The following AP5B1 variants were observed in gnomAD, a reference collection of about 807,000 sequenced individuals.
The protein encoded by AP5B1 is AP-5 complex subunit beta-1.
Under a neutral mutation model 5.7 loss-of-function variants are expected in AP5B1, and 3 were observed. The observed-to-expected ratio is 0.53, with a 90% CI of 0.24 to 1.36. The LOEUF (loss-of-function observed/expected upper bound fraction) is 1.36, where lower values mean the gene tolerates loss of function less well. Among genes scored for constraint, AP5B1 ranks in the 40% most tolerant of loss-of-function variants. AP5B1 has a pLI of 0.17. For missense variants in AP5B1, 1,310 were observed against 1,143.2 expected (o/e 1.15, Z -2.10); for synonymous variants, 696 against 555.5 (o/e 1.25, Z -3.56).
At position 65,780,138 on chromosome 11, in the gene AP5B1, G is replaced by C. The variant is rs534814515; in HGVS notation, c.355C>G (p.Arg119Gly). ...AGGCCGAGCAGTAGGGGCAGGAGCCGGCAGGAGGCGCCCGAGGTGGGGCCC... is the reference window on the plus strand; with the variant it reads ...AGGCCGAGCAGTAGGGGCAGGAGCCCGCAGGAGGCGCCCGAGGTGGGGCCC... Reference protein sequence around the residue: ...ALGPTSGASCRLLPLLLGLAA... With the variant: ...ALGPTSGASCGLLPLLLGLAA... The change falls in exon 2 of 2, where the codon CGG becomes GGG. Residue 119 changes from arginine to glycine, a missense_variant. Physicochemically the swap from Arg to Gly is moderately radical, Grantham distance 125. Transcript: ENST00000532090. 6.8e-7 allele frequency: 1 copy of C among 1,478,194 alleles called. No individual in the cohort carries two copies. Among genetic ancestry groups the C allele is most frequent in the African/African-American group, 1.4e-5 (1 of 68,998 alleles). The allele number at this position is 1,478,194 out of a possible 1,614,324, so 91.6% of individuals were successfully genotyped here.
chr11:65,779,532 G>C lies in AP5B1; in HGVS notation c.961C>G (p.Leu321Val). 1 of 1,606,818 alleles carries C rather than the reference G, an allele frequency of 6.2e-7. No homozygotes were observed. The highest frequency in any genetic ancestry group is 8.5e-7 in the Non-Finnish European group (1 of 1,177,872). Reference sequence around the variant, plus strand: ...GCAAGCATGGCGTGCAACAGTGTCAGCTGTGCTGTGCCTAGCAGCCGTACC... The same window carrying C: ...GCAAGCATGGCGTGCAACAGTGTCACCTGTGCTGTGCCTAGCAGCCGTACC... ...QLVRLLGTAQ[L>V]TLLHAMLALK... The change falls in exon 2 of 2, where the codon CTG (leucine) becomes GTG (valine). Residue 321 changes from leucine (L) to valine (V), a missense_variant. Coordinates refer to ENST00000532090, the MANE Select transcript of AP5B1 (RefSeq NM_138368.5).
chr11:65,780,351 G>C lies in AP5B1; in HGVS notation c.151-9C>G, dbSNP rs777750328. ...AGGGCCAGCAGGGAAACCTGGATGG[G>C]GGATTAGGAGGGAATCACGAAGATG... is the stretch of plus-strand genomic sequence containing the variant. On this transcript the variant is annotated splice_polypyrimidine_tract_variant and intron_variant, in intron 1 of 1. Coordinates refer to ENST00000532090, the MANE Select transcript of AP5B1 (RefSeq NM_138368.5). The C allele has an allele frequency of 3.4e-6, 5 of 1,460,342 alleles. No individual in the cohort carries two copies. Among genetic ancestry groups the C allele is most frequent in the South Asian group, 1.4e-5 (1 of 71,742 alleles). 90.5% of individuals were successfully genotyped at this position (1,460,342 alleles called of 1,614,324 possible).
chr11:65,780,616 AG>A lies in AP5B1; in HGVS notation c.-26del, dbSNP rs1456674298. 2.9e-6 allele frequency: 4 copies of A among 1,370,786 alleles called. No homozygotes were observed. In the South Asian group the frequency reaches 4.8e-5, roughly 17 times the overall value. The allele number at this position is 1,370,786 out of a possible 1,614,324, so 84.9% of individuals were successfully genotyped here. A position where few individuals can be genotyped will look rare whatever the true frequency, so the allele number is the denominator to read the frequency against. The stretch of plus-strand genomic sequence containing the variant: ...TGGTGAGGCGCGCGGGCCCCTGCGC[AG>A]GGAAGAGGGACCCTCAGGCCGCAGC... On this transcript the variant is annotated 5_prime_UTR_variant, in exon 1 of 2. Transcript: ENST00000532090.
In AP5B1 at chr11:65,779,705, T is replaced by G. The variant is rs1454046807; in HGVS notation, c.788A>C (p.Glu263Ala). ...CACCGCAGCCCGCAGCTCCCGCGCCTCCTCAGGGCTGTGCTCTCGTGCTGT... is the reference window on the plus strand; with the variant it reads ...CACCGCAGCCCGCAGCTCCCGCGCCGCCTCAGGGCTGTGCTCTCGTGCTGT... ...SLTAREHSPE[E>A]ARELRAAVIQ... The change falls in exon 2 of 2, where the codon GAG (glutamate) becomes GCG (alanine). Residue 263 changes from glutamate (E) to alanine (A), a missense_variant. Coordinates refer to ENST00000532090, the MANE Select transcript of AP5B1 (RefSeq NM_138368.5). 6.2e-7 allele frequency: 1 copy of G among 1,611,546 alleles called. No homozygotes were observed. The highest frequency in any genetic ancestry group is 8.5e-7 in the Non-Finnish European group (1 of 1,179,154).
rs1481634599 is a variant in AP5B1, at chr11:65,777,121, C to T, written c.*735G>A. 3.3e-5 allele frequency: 5 copies of T among 151,502 alleles called. No homozygotes were observed. Among genetic ancestry groups the T allele is most frequent in the Non-Finnish European group, 7.4e-5 (5 of 67,960 alleles). 9.4% of individuals were successfully genotyped at this position (151,502 alleles called of 1,614,324 possible). On this transcript the variant is annotated 3_prime_UTR_variant, in exon 2 of 2. Coordinates refer to ENST00000532090, the MANE Select transcript of AP5B1 (RefSeq NM_138368.5). Reference sequence around the variant, plus strand: ...TGAGATCCTGTCTTTAACCCCTCCCCGAAAAAAAAAGAAAGAAAAGTACTG... The same window carrying T: ...TGAGATCCTGTCTTTAACCCCTCCCTGAAAAAAAAAGAAAGAAAAGTACTG...
chr11:65,780,176 G>T lies in AP5B1; in HGVS notation c.317C>A (p.Ala106Glu). Reference protein sequence around the residue: ...LLLAATTALAAGGALGPTSGA... With the variant: ...LLLAATTALAEGGALGPTSGA... ...CGAGGTGGGGCCCAGCGCGCCGCCC[G>T]CCGCCAGGGCAGTGGTGGCCGCCAG... Residue 106 changes from alanine to glutamate, a missense_variant, in exon 2 of 2, where the codon GCG becomes GAG. Ala to Glu is a moderately radical substitution (Grantham distance 107). Coordinates refer to ENST00000532090, the MANE Select transcript of AP5B1 (RefSeq NM_138368.5). 1.3e-6 allele frequency: 2 copies of T among 1,482,176 alleles called. No homozygotes were observed. Among genetic ancestry groups the T allele is most frequent in the South Asian group, 2.7e-5 (2 of 73,486 alleles). 91.8% of individuals were successfully genotyped at this position (1,482,176 alleles called of 1,614,324 possible).
In AP5B1 at chr11:65,780,176, G is replaced by A. The variant is rs955491701; in HGVS notation, c.317C>T (p.Ala106Val). Residue 106 changes from alanine (A) to valine (V), a missense_variant, in exon 2 of 2, where the codon GCG becomes GTG. Ala to Val is a moderately conservative substitution (Grantham distance 64, BLOSUM62 0). Transcript: ENST00000532090. ...LLLAATTALA[A>V]GGALGPTSGA... ...CGAGGTGGGGCCCAGCGCGCCGCCC[G>A]CCGCCAGGGCAGTGGTGGCCGCCAG... 6.7e-7 allele frequency: 1 copy of A among 1,482,176 alleles called. No individual in the cohort carries two copies. Among genetic ancestry groups the A allele is most frequent in the Non-Finnish European group, 8.9e-7 (1 of 1,120,610 alleles). The allele number at this position is 1,482,176 out of a possible 1,614,324, so 91.8% of individuals were successfully genotyped here. A position where few individuals can be genotyped will look rare whatever the true frequency, so the allele number is the denominator to read the frequency against.
Position 65,777,696 on chromosome 11 carries a change from G to A in AP5B1, c.*160C>T. On this transcript the variant is annotated 3_prime_UTR_variant, in exon 2 of 2. Transcript: ENST00000532090. ...TGCTAGAGCAGCAAAAACAGACTCA[G>A]ACAGACCCTCACCCCCAGGAGCCTG... The A allele has an allele frequency of 3.7e-6, 3 of 812,360 alleles. No homozygotes were observed. The South Asian group carries it at 5.8e-5, about 16-fold the overall frequency. 50.3% of individuals were successfully genotyped at this position (812,360 alleles called of 1,614,324 possible).
In AP5B1 at chr11:65,774,596, G is replaced by A. The variant is rs1857744235; in HGVS notation, c.*3260C>T. 6.6e-6 allele frequency among the ~76,000 whole-genome samples: 1 copy of A among 152,098 alleles called. No homozygotes were observed. The highest frequency in any genetic ancestry group is 6.6e-5 in the Admixed American group (1 of 15,264). On this transcript the variant is annotated 3_prime_UTR_variant, in exon 2 of 2. Coordinates refer to ENST00000532090, the MANE Select transcript of AP5B1 (RefSeq NM_138368.5). ...GGCTAATTTTTGGATTTTTAGTAGA[G>A]ACGGGTTTCACCATGTTGGCCAGGC...
At position 65,777,747 on chromosome 11, in the gene AP5B1, C is replaced by T; in HGVS notation, c.*109G>A. 1 of 1,318,340 alleles carries T rather than the reference C, an allele frequency of 7.6e-7. No individual in the cohort carries two copies. Among genetic ancestry groups the T allele is most frequent in the South Asian group, 1.6e-5 (1 of 63,560 alleles). 81.7% of individuals were successfully genotyped at this position (1,318,340 alleles called of 1,614,324 possible). A position where few individuals can be genotyped will look rare whatever the true frequency, so the allele number is the denominator to read the frequency against. ...CTCCCAACCGGGGCCCAAAAGAAAACAAGCCAGCGAGGGCACTGCGGAATG... is the reference window on the plus strand; with the variant it reads ...CTCCCAACCGGGGCCCAAAAGAAAATAAGCCAGCGAGGGCACTGCGGAATG... On this transcript the variant is annotated 3_prime_UTR_variant, in exon 2 of 2. Transcript: ENST00000532090.
chr11:65,780,663 C>A lies in AP5B1; in HGVS notation c.-72G>T, dbSNP rs1008659859. ...GCAGCCACCGGGAGCGCGGGGCCCG[C>A]TGCCGACCCCGAGGGGCTGCGGTCA... On this transcript the variant is annotated 5_prime_UTR_variant, in exon 1 of 2. Coordinates refer to ENST00000532090, the MANE Select transcript of AP5B1 (RefSeq NM_138368.5). 2.3e-6 allele frequency: 3 copies of A among 1,296,326 alleles called. No individual in the cohort carries two copies. In the African/African-American group the frequency reaches 4.7e-5, roughly 20 times the overall value. The allele number at this position is 1,296,326 out of a possible 1,614,324, so 80.3% of individuals were successfully genotyped here. A position where few individuals can be genotyped will look rare whatever the true frequency, so the allele number is the denominator to read the frequency against.
At position 65,778,410 on chromosome 11, in the gene AP5B1, G is replaced by C. The variant is rs1234157546; in HGVS notation, c.2083C>G (p.Leu695Val). The change falls in exon 2 of 2, where the codon CTG (leucine) becomes GTG (valine). Residue 695 changes from leucine (L) to valine (V), a missense_variant. Transcript: ENST00000532090. ...EALEPIYSLE[L>V]RFRVEGQLYA... Reference sequence around the variant, plus strand: ...AGCTGTCCTTCCACACGGAAGCGCAGCTCCAGAGAGTAGATGGGCTCCAGC... The same window carrying C: ...AGCTGTCCTTCCACACGGAAGCGCACCTCCAGAGAGTAGATGGGCTCCAGC... 5 of 1,588,792 alleles carry C rather than the reference G, an allele frequency of 3.1e-6. No individual in the cohort carries two copies. The South Asian group carries it at 5.6e-5, about 18-fold the overall frequency.
rs375178911 is a variant in AP5B1 at position 65,780,251 on chromosome 11, G to T, written c.242C>A (p.Thr81Asn). Reference sequence around the variant, plus strand: ...GGGCCGCGGGGGTAGGAGGACCAAGGTGTCCAACAGGGAGGTGGCGGCCAC... The same window carrying T: ...GGGCCGCGGGGGTAGGAGGACCAAGTTGTCCAACAGGGAGGTGGCGGCCAC... ...AEVAATSLLD[T>N]LVLLPPRPSA... Residue 81 changes from threonine (T) to asparagine (N), a missense_variant, in exon 2 of 2, where the codon ACC becomes AAC. Physicochemically the swap from Thr to Asn is moderately conservative, Grantham distance 65 (BLOSUM62 0). Coordinates refer to ENST00000532090, the MANE Select transcript of AP5B1 (RefSeq NM_138368.5). The T allele has an allele frequency of 7.9e-6, 12 of 1,511,412 alleles. No homozygotes were observed. The African/African-American group carries it at 1.7e-4, about 22-fold the overall frequency. The allele number at this position is 1,511,412 out of a possible 1,614,324, so 93.6% of individuals were successfully genotyped here.
rs577651048 is a variant in AP5B1 at position 65,778,237 on chromosome 11, G to A, written c.2256C>T (p.Cys752=). 2.5e-6 allele frequency: 4 copies of A among 1,613,444 alleles called. No homozygotes were observed. In the African/African-American group the frequency reaches 5.3e-5, roughly 21 times the overall value. Residue 752 remains cysteine, a synonymous_variant, in exon 2 of 2, where the codon TGC becomes TGT. Coordinates refer to ENST00000532090, the MANE Select transcript of AP5B1 (RefSeq NM_138368.5). ...CGAACAGGGGTGGCAAGTGGGCATG[G>A]CACGTGAGACCAGTGGATGTGGTGT... ...ALYTTSTGLT[C]HAHLPPLFVN...
chr11:65,778,927 C>T lies in AP5B1; in HGVS notation c.1566G>A (p.Val522=). Residue 522 remains valine, a synonymous_variant, in exon 2 of 2, where the codon GTG becomes GTA. Coordinates refer to ENST00000532090, the MANE Select transcript of AP5B1 (RefSeq NM_138368.5). ...GCCTGGACACCACCACCTGCCGCAA[C>T]ACCACCTTCAGGGGCTCCCTCAGCT... The part of the protein sequence containing the change: ...DSELREPLKV[V]LRQVVVSRPG... The T allele has an allele frequency of 6.2e-7, 1 of 1,612,964 alleles. No individual in the cohort carries two copies. Among genetic ancestry groups the T allele is most frequent in the East Asian group, 2.2e-5 (1 of 44,888 alleles).
chr11:65,775,738 A>G lies in AP5B1; in HGVS notation c.*2118T>C, dbSNP rs996303677. ...GATTCCCTTAAATCCCCTTCTGCCA[A>G]AAACAGCTGGAGAAGTTTCTGTTTC... On this transcript the variant is annotated 3_prime_UTR_variant, in exon 2 of 2. Coordinates refer to ENST00000532090, the MANE Select transcript of AP5B1 (RefSeq NM_138368.5). Among the ~76,000 whole-genome samples, 2 of 152,156 alleles carry G rather than the reference A, an allele frequency of 1.3e-5. No homozygotes were observed. The highest frequency in any genetic ancestry group is 4.8e-5 in the African/African-American group (2 of 41,438).
Position 65,778,426 on chromosome 11 carries a change from G to A in AP5B1, c.2067C>T (p.Pro689=). 6.3e-7 allele frequency: 1 copy of A among 1,580,688 alleles called. No homozygotes were observed. Among genetic ancestry groups the A allele is most frequent in the Non-Finnish European group, 8.6e-7 (1 of 1,167,354 alleles). ...VLKLQPEALE[P]IYSLELRFRV... ...GGAAGCGCAGCTCCAGAGAGTAGAT[G>A]GGCTCCAGCGCCTCCGGCTGGAGCT... Residue 689 remains proline (P), a synonymous_variant, in exon 2 of 2, where the codon CCC becomes CCT. Coordinates refer to ENST00000532090, the MANE Select transcript of AP5B1 (RefSeq NM_138368.5).
At position 65,778,238 on chromosome 11, in the gene AP5B1, C is replaced by T; in HGVS notation, c.2255G>A (p.Cys752Tyr). 1 of 1,613,432 alleles carries T rather than the reference C, an allele frequency of 6.2e-7. No homozygotes were observed. ...GAACAGGGGTGGCAAGTGGGCATGG[C>T]ACGTGAGACCAGTGGATGTGGTGTA... ...ALYTTSTGLT[C>Y]HAHLPPLFVN... The change falls in exon 2 of 2, where the codon TGC (cysteine) becomes TAC (tyrosine). Residue 752 changes from cysteine (C) to tyrosine (Y), a missense_variant. Cys to Tyr is a radical substitution (Grantham distance 194). Transcript: ENST00000532090.
rs1857807513 is a variant in AP5B1 at position 65,779,106 on chromosome 11, T to C, written c.1387A>G (p.Thr463Ala). 1 of 1,608,678 alleles carries C rather than the reference T, an allele frequency of 6.2e-7. No homozygotes were observed. Among genetic ancestry groups the C allele is most frequent in the Non-Finnish European group, 8.5e-7 (1 of 1,178,230 alleles). ...ALDGGPRALA[T>A]LCFQASYLVA... ...AGATACGAGGCCTGGAAGCAGAGAG[T>C]GGCCAAGGCCCGGGGGCCCCCATCC... The change falls in exon 2 of 2, where the codon ACT (threonine) becomes GCT (alanine). Residue 463 changes from threonine (T) to alanine (A), a missense_variant. Transcript: ENST00000532090.
Sources: gnomAD v4.1 joint callset for allele counts (sites outside exome capture counted in the v4.1 genomes callset) on GRCh38, gnomAD v4.1.1 for gene constraint, MANE v1.5 for transcripts, NCBI Gene and HGNC (gene_info 2026-07-23, HGNC 2026-07-21) for gene names.